Variants in WWP2 observed in about 807,000 individuals in gnomAD.
The protein encoded by WWP2 is NEDD4-like E3 ubiquitin-protein ligase WWP2.
Under a neutral mutation model 121.0 loss-of-function variants are expected in WWP2, and 57 were observed. That is an observed-to-expected ratio of 0.47 (90% CI 0.38 to 0.59). WWP2 has a LOEUF of 0.59. Among genes scored for constraint, WWP2 ranks in the 20% least tolerant of loss-of-function variants. WWP2 has a pLI of 0.00. For synonymous variants in WWP2, 449 were observed against 441.3 expected (o/e 1.02, Z -0.22); for missense variants, 962 against 1,158.9 (o/e 0.83, Z 2.47).
chr16:69,862,951 T>C (rs2057452268), intron 6 of WWP2, among the ~76,000 whole-genome samples: 2 of 152,096 alleles, frequency 1.3e-5, no homozygotes, highest in African/African-American at 4.8e-5. Context: ...GGGTTTGCAC[T>C]CTTGGGCTCA....
chr16:69,797,298 C>T (rs1420534393), intron 2 of WWP2, among the ~76,000 whole-genome samples: 1 of 152,144 alleles, frequency 6.6e-6, no homozygotes, highest in Non-Finnish European at 1.5e-5. Context: ...TTCAACCTTG[C>T]TGGTAATCGA....
chr16:69,806,619 T>G (rs1479249919), intron 4 of WWP2, among the ~76,000 whole-genome samples: 1 of 152,180 alleles, frequency 6.6e-6, no homozygotes, highest in Non-Finnish European at 1.5e-5. Flanking sequence ...CTTCTTTGTT[T>G]CGTCTTGACT....
chr16:69,882,643 G>A (rs567137958), intron 7 of WWP2, among the ~76,000 whole-genome samples: 173 of 152,272 alleles, frequency 1.1e-3, no homozygotes, highest in Non-Finnish European at 2.0e-3. Context: ...TCCCTGGGCC[G>A]CAGGGGTCGG....
intron 4 of WWP2, among the ~76,000 whole-genome samples, chr16:69,816,770 C>CACACAT (rs1391358552): frequency 6.6e-6 from 1 of 152,028 alleles, no homozygotes; most frequent in African/African-American, 2.4e-5. Flanking sequence ...TATACACATA[C>CACACAT]ACACATACAC....
intron 6 of WWP2, among the ~76,000 whole-genome samples, chr16:69,843,136 T>G (rs1416446355): frequency 2.6e-5 from 4 of 152,158 alleles, no homozygotes; most frequent in Non-Finnish European, 5.9e-5. Context: ...CCACAGTTAT[T>G]CTTCCAGGAT....
At chr16:69,912,952 AAAAATATATATAT>A (rs2058410201) in intron 9 of WWP2, among the ~76,000 whole-genome samples, 1 of 2,856 alleles carries the variant, frequency 3.5e-4, no homozygotes, top group Non-Finnish European at 5.9e-4. Flanking sequence ...AAAAAAAAAA[AAAAATATATATAT>A]ATATATATAT....
intron 4 of WWP2, among the ~76,000 whole-genome samples, chr16:69,803,849 A>C (rs2056222571): frequency 1.3e-5 from 2 of 152,188 alleles, no homozygotes; most frequent in African/African-American, 4.8e-5. Flanking sequence ...CGAAGGTTGC[A>C]GTGAGCTGAG....
intron 6 of WWP2, among the ~76,000 whole-genome samples, chr16:69,866,799 C>CTTAT (rs2057532298): frequency 7.0e-6 from 1 of 143,652 alleles, no homozygotes; most frequent in Admixed American, 7.2e-5. Context: ...CTTTCAGTTC[C>CTTAT]GTATTTATTT....
At position 69,917,845 on chromosome 16, in the gene WWP2, G is replaced by A. The variant is rs771352727; in HGVS notation, c.1141G>A (p.Gly381Arg). Reference sequence around the variant, plus strand: ...GCAGTCGCAGCGGAATCAGCTCCAGGGGGCCATGCAGCACTTCAGCCAAAG... The same window carrying A: ...GCAGTCGCAGCGGAATCAGCTCCAGAGGGCCATGCAGCACTTCAGCCAAAG... ...QWQSQRNQLQ[G>R]AMQHFSQRFL... Residue 381 changes from glycine to arginine, a missense_variant, in exon 10 of 24, where the codon GGG becomes AGG. Coordinates refer to ENST00000359154, the MANE Select transcript of WWP2 (RefSeq NM_001270454.2). 4 of 1,613,596 alleles carry A rather than the reference G, an allele frequency of 2.5e-6. No individual in the cohort carries two copies. Among genetic ancestry groups the A allele is most frequent in the African/African-American group, 2.7e-5 (2 of 75,058 alleles).
intron 23 of WWP2, 41 bp from the exon 24 acceptor site, chr16:69,939,800 G>GCCT: frequency 1.3e-6 from 2 of 1,579,410 alleles, no homozygotes; most frequent in East Asian, 4.5e-5. Flanking sequence ...CAGAGCCCTG[G>GCCT]CCTCCTAGGG....
chr16:69,781,832 A>G (rs1353184620), intron 1 of WWP2, among the ~76,000 whole-genome samples: 1 of 152,026 alleles, frequency 6.6e-6, no homozygotes, highest in Non-Finnish European at 1.5e-5. Context: ...TCCCAAGTGG[A>G]AGGAAAGGCA....
intron 5 of WWP2, among the ~76,000 whole-genome samples, chr16:69,840,806 G>T (rs8059645): frequency 0.38 from 57,774 of 152,030 alleles, 11,207 homozygotes; most frequent in Admixed American, 0.49. Flanking sequence ...ATTTCATGAA[G>T]TCCGAGGTCT....
At chr16:69,806,934 TTTTA>T (rs745755357) in intron 4 of WWP2, among the ~76,000 whole-genome samples, 2,547 of 148,456 alleles carry the variant, frequency 0.017, 33 homozygotes, top group African/African-American at 0.034. Flanking sequence ...CCTAGATCTG[TTTTA>T]TTTATTTATT....
At chr16:69,931,059 A>C (rs1004080372) in intron 13 of WWP2, 93 bp from the exon 14 acceptor site, 2 of 1,212,238 alleles carry the variant, frequency 1.6e-6, no homozygotes, top group African/African-American at 3.0e-5. Context: ...TCTTTAAATT[A>C]ACATAGCACC....
chr16:69,828,605 TC>T (rs1481908619), intron 4 of WWP2, among the ~76,000 whole-genome samples: 1 of 152,162 alleles, frequency 6.6e-6, no homozygotes, highest in Non-Finnish European at 1.5e-5. Flanking sequence ...CCTCAGGTGA[TC>T]CGCCTGCCTT....
chr16:69,849,791 TA>T (rs769571051), intron 6 of WWP2, among the ~76,000 whole-genome samples: 26 of 150,256 alleles, frequency 1.7e-4, no homozygotes, highest in Non-Finnish European at 3.1e-4. Flanking sequence ...CTGGACAACA[TA>T]GGGAGACCCT....
chr16:69,868,570 T>A (rs2057570931), intron 6 of WWP2, among the ~76,000 whole-genome samples: 1 of 152,116 alleles, frequency 6.6e-6, no homozygotes, highest in African/African-American at 2.4e-5. Context: ...AGAGAGGCTT[T>A]TTGTCCTAGT....
chr16:69,810,841 G>A (rs1323343028), intron 4 of WWP2, among the ~76,000 whole-genome samples: 1 of 149,710 alleles, frequency 6.7e-6, no homozygotes, highest in Non-Finnish European at 1.5e-5. Context: ...TGCAACCTCC[G>A]CCTCCCAGGT....
Position 69,885,144 on chromosome 16 carries a change from C to CACACA in WWP2, c.704-2895_704-2894insACACA, listed in dbSNP as rs766923825. On this transcript the variant is annotated intron_variant, in intron 7 of 23. Coordinates refer to ENST00000359154, the MANE Select transcript of WWP2 (RefSeq NM_001270454.2). ...ACACACACACACACACACACACATT[C>CACACA]TTCTTCTTTAGAATGTTCATGGCTA... Among the ~76,000 whole-genome samples, 398 of 149,328 alleles carry CACACA rather than the reference C, an allele frequency of 2.7e-3. 3 individuals are homozygous for CACACA. Among genetic ancestry groups the CACACA allele is most frequent in the Middle Eastern group, 3.5e-3 (1 of 288 alleles).
Sources: gnomAD v4.1 joint callset for allele counts (sites outside exome capture counted in the v4.1 genomes callset) on GRCh38, gnomAD v4.1.1 for gene constraint, MANE v1.5 for transcripts, NCBI Gene and HGNC (gene_info 2026-07-23, HGNC 2026-07-21) for gene names.